PLEKHS1: variants seen among roughly 807,000 people sequenced by gnomAD.
PLEKHS1 encodes the protein pleckstrin homology domain-containing family S member 1.
Under a neutral mutation model 51.0 loss-of-function variants are expected in PLEKHS1, and 55 were observed. The observed-to-expected ratio is 1.08, with a 90% confidence interval of 0.87 to 1.35. The LOEUF is 1.35. PLEKHS1 is among the 40% of genes most tolerant of loss of function. The probability of loss-of-function intolerance (pLI) is 0.00; values close to 1 mark genes in which losing one functional copy is unlikely to be tolerated. For missense variants in PLEKHS1, 398 were observed against 423.0 expected (o/e 0.94, Z 0.52); for synonymous variants, 153 against 144.8 (o/e 1.06, Z -0.41).
At chr10:113,777,658 G>A (rs1300090659) in intron 11 of PLEKHS1, 4 of 1,526,378 alleles carry the variant, frequency 2.6e-6, no homozygotes, top group South Asian at 1.2e-5. Flanking sequence ...TGTGTAACGT[G>A]CTTACAAAGG....
chr10:113,772,173 G>A, intron 8 of PLEKHS1, 84 bp downstream of exon 8: 1 of 1,466,938 alleles, frequency 6.8e-7, no homozygotes, highest in Non-Finnish European at 9.4e-7. Context: ...TGCAATATTA[G>A]GCTATGGTCA....
rs34024791 is a variant in PLEKHS1 at position 113,775,802 on chromosome 10, G to A, written c.1027G>A (p.Val343Ile). ...TGAAAGCCAAGTGGAGAAACTGAACGTTTTCCTTTCTCCTCCTGATGTCAT... is the reference window on the plus strand; with the variant it reads ...TGAAAGCCAAGTGGAGAAACTGAACATTTTCCTTTCTCCTCCTGATGTCAT... Residue 343 changes from valine to isoleucine, a missense_variant, in exon 11 of 12, where the codon GTT (valine) becomes ATT (isoleucine). Val to Ile is a conservative substitution (Grantham distance 29). Transcript: ENST00000361048. 3.7e-3 allele frequency: 5,946 copies of A among 1,612,754 alleles called. 181 individuals are homozygous for A. The African/African-American group carries it at 0.068, about 18-fold the overall frequency.
At position 113,774,711 on chromosome 10, in the gene PLEKHS1, G is replaced by A. The variant is rs543888719; in HGVS notation, c.780-115G>A. The A allele has an allele frequency of 1.6e-5, 14 of 889,038 alleles. No individual in the cohort carries two copies. The East Asian group carries it at 1.9e-4, about 12-fold the overall frequency. The allele number at this position is 889,038 out of a possible 1,614,324, so 55.1% of individuals were successfully genotyped here. A position where few individuals can be genotyped will look rare whatever the true frequency, so the allele number is the denominator to read the frequency against. On this transcript the variant is annotated intron_variant, in intron 9 of 11. Transcript: ENST00000361048. ...CTGTGATTCTGATAGTTGGACATACGTCAAGACCTTGCTAGTCTTCACATG... is the reference window on the plus strand; with the variant it reads ...CTGTGATTCTGATAGTTGGACATACATCAAGACCTTGCTAGTCTTCACATG...
intron 11 of PLEKHS1, among the ~76,000 whole-genome samples, chr10:113,779,044 T>C (rs1844788978): frequency 6.6e-6 from 1 of 152,186 alleles, no homozygotes; most frequent in South Asian, 2.1e-4. Flanking sequence ...GAAGCAGGCA[T>C]GTTATGTGCT....
chr10:113,768,935 C>T, intron 6 of PLEKHS1, 45 bp downstream of exon 6: 2 of 1,439,694 alleles, frequency 1.4e-6, no homozygotes, highest in Non-Finnish European at 1.9e-6. Flanking sequence ...CTGAACACAA[C>T]CCTCTTTCAA....
chr10:113,756,612 A>C (rs1854126802), intron 2 of PLEKHS1, among the ~76,000 whole-genome samples: 1 of 152,218 alleles, frequency 6.6e-6, no homozygotes, highest in Non-Finnish European at 1.5e-5. Context: ...ATGAGAATCC[A>C]GAGAGGTTTT....
At chr10:113,756,434 C>A (rs1463328293) in intron 2 of PLEKHS1, among the ~76,000 whole-genome samples, 1 of 152,162 alleles carries the variant, frequency 6.6e-6, no homozygotes, top group African/African-American at 2.4e-5. Context: ...GCACTCCAGA[C>A]TGGGTAACAG....
rs544330264 is a variant in PLEKHS1, at chr10:113,774,286, C to T, written c.732C>T (p.Asp244=). The T allele has an allele frequency of 7.5e-6, 12 of 1,594,332 alleles. No individual in the cohort carries two copies. In the South Asian group the frequency reaches 1.3e-4, roughly 17 times the overall value. ...AATCCATTGAAACTGATGGTCCAGA[C>T]CAGGTCTCTGGAAGAATTGAGTGTC... The change falls in exon 9 of 12, where the codon GAC becomes GAT. Residue 244 remains aspartate, a synonymous_variant. Coordinates refer to ENST00000361048, the Ensembl canonical transcript of PLEKHS1.
At chr10:113,766,282 A>G in intron 2 of PLEKHS1, 129 bp from the exon 3 acceptor site, 1 of 621,294 alleles carries the variant, frequency 1.6e-6, no homozygotes, top group Non-Finnish European at 2.8e-6. Context: ...TTGGGTTATT[A>G]TAGGTGTCCT....
intron 2 of PLEKHS1, among the ~76,000 whole-genome samples, chr10:113,759,738 C>T (rs1843832322): frequency 6.6e-6 from 1 of 152,050 alleles, no homozygotes; most frequent in Admixed American, 6.5e-5. Context: ...CTAATATGAA[C>T]ATTTGTGCAT....
Position 113,769,235 on chromosome 10 carries a change from T to C in PLEKHS1, c.435+345T>C, listed in dbSNP as rs934890085. On this transcript the variant is annotated intron_variant, in intron 6 of 11. Coordinates refer to ENST00000361048, the Ensembl canonical transcript of PLEKHS1. Reference sequence around the variant, plus strand: ...TTTTGAATGACTAAGTCTAGGGCAGTTTCTATAAAAATGTTTTACATGTAT... The same window carrying C: ...TTTTGAATGACTAAGTCTAGGGCAGCTTCTATAAAAATGTTTTACATGTAT... Among the ~76,000 whole-genome samples, 6 of 152,238 alleles carry C rather than the reference T, an allele frequency of 3.9e-5. No homozygotes were observed. In the South Asian group the frequency reaches 1.2e-3, roughly 32 times the overall value.
intron 11 of PLEKHS1, chr10:113,777,783 G>A (rs1844742064): frequency 1.4e-6 from 2 of 1,445,946 alleles, no homozygotes; most frequent in East Asian, 5.0e-5. Context: ...CATTATCTCA[G>A]AAATCGTCAC....
At chr10:113,773,045 C>G (rs1354286603) in intron 8 of PLEKHS1, among the ~76,000 whole-genome samples, 1 of 152,124 alleles carries the variant, frequency 6.6e-6, no homozygotes, top group Non-Finnish European at 1.5e-5. Context: ...GCGTCATTTC[C>G]CAAACTGGGG....
chr10:113,755,403 T>C, intron 2 of PLEKHS1, 98 bp downstream of exon 2: 1 of 1,502,654 alleles, frequency 6.7e-7, no homozygotes, highest in Non-Finnish European at 8.9e-7. Context: ...TGGTGGTTTT[T>C]GTGTATGTTG....
chr10:113,779,484 A>C (rs7093565), intron 11 of PLEKHS1, among the ~76,000 whole-genome samples: 106,453 of 151,518 alleles, frequency 0.7, 38,419 homozygotes, highest in Non-Finnish European at 0.78. Flanking sequence ...GCAGGAGAAT[A>C]GCTTGAACCC....
intron 9 of PLEKHS1, 130 bp from the exon 10 acceptor site, chr10:113,774,696 G>C (rs1844565849): frequency 1.3e-6 from 1 of 765,474 alleles, no homozygotes; most frequent in Non-Finnish European, 2.2e-6. Context: ...CTGTGATTCT[G>C]ATAGTTGGAC....
chr10:113,760,428 A>G (rs1000520009), intron 2 of PLEKHS1, among the ~76,000 whole-genome samples: 3 of 152,206 alleles, frequency 2.0e-5, no homozygotes, highest in Non-Finnish European at 4.4e-5. Context: ...CCAAGGCAGT[A>G]GTATTGCTTG....
chr10:113,763,795 G>C (rs1477237764), intron 2 of PLEKHS1, among the ~76,000 whole-genome samples: 3 of 152,018 alleles, frequency 2.0e-5, no homozygotes, highest in Admixed American at 6.6e-5. Context: ...ACAATACATT[G>C]TCTTTATTTT....
At chr10:113,781,090 C>T in exon 12 of PLEKHS1, 1 of 338,028 alleles carries the variant, frequency 3.0e-6, no homozygotes, top group East Asian at 5.1e-5. Flanking sequence ...AGGATGTGGT[C>T]CACACAATTC....
Sources: allele counts gnomAD v4.1 joint callset (sites outside exome capture counted in the v4.1 genomes callset), GRCh38; gene constraint gnomAD v4.1.1; transcripts MANE v1.5; gene names NCBI Gene and HGNC (gene_info 2026-07-23, HGNC 2026-07-21).